The following NRG3 variants were observed in gnomAD, a reference collection of about 807,000 sequenced individuals.
NRG3 encodes neuregulin 3.
In NRG3, 31 loss-of-function variants were observed where a neutral mutation model predicts 66.9. The observed-to-expected ratio is 0.46, with a 90% CI of 0.35 to 0.63. NRG3 has a LOEUF of 0.63. Ranked by LOEUF, NRG3 falls within the 20% of genes least tolerant of loss-of-function variation. The probability of loss-of-function intolerance (pLI) is 0.00; values close to 1 mark genes in which losing one functional copy is unlikely to be tolerated. For synonymous variants in NRG3, 393 were observed against 359.4 expected (o/e 1.09, Z -1.06); for missense variants, 910 against 878.9 (o/e 1.04, Z -0.45).
chr10:82,306,731 A>G (rs1286571968), intron 1 of NRG3, among the ~76,000 whole-genome samples: 1 of 142,712 alleles, frequency 7.0e-6, no homozygotes, highest in East Asian at 2.0e-4. Flanking sequence ...AAAAAAAAAA[A>G]AAAAAGTCTG....
intron 1 of NRG3, among the ~76,000 whole-genome samples, chr10:82,320,955 G>C (rs964787164): frequency 6.6e-6 from 1 of 152,158 alleles, no homozygotes; most frequent in Non-Finnish European, 1.5e-5. Flanking sequence ...TCTGCTGGGA[G>C]TCACCTCCAT....
rs1030406273 is a variant in NRG3 at position 81,951,981 on chromosome 10, A to G, written c.823+75818A>G. ...GTTCATGTCCTTTGTAGGGACATGG[A>G]TGAAGCTGGAAACCATCATTCTCAG... On this transcript the variant is annotated intron_variant, in intron 1 of 8. Coordinates refer to ENST00000372141, the MANE Select transcript of NRG3 (RefSeq NM_001010848.4). Among the ~76,000 whole-genome samples, 16 of 152,182 alleles carry G rather than the reference A, an allele frequency of 1.1e-4. No homozygotes were observed. The East Asian group carries it at 2.7e-3, about 26-fold the overall frequency.
At chr10:82,339,803 G>T (rs918649916) in intron 1 of NRG3, among the ~76,000 whole-genome samples, 3 of 151,668 alleles carry the variant, frequency 2.0e-5, no homozygotes, top group Admixed American at 1.3e-4. Flanking sequence ...TCCTGCTTGT[G>T]TGCACTTCTC....
chr10:82,716,127 C>T (rs563154558), intron 2 of NRG3, among the ~76,000 whole-genome samples: 4 of 151,968 alleles, frequency 2.6e-5, no homozygotes, highest in African/African-American at 4.8e-5. Flanking sequence ...GATATAAATG[C>T]GATTCTGTAG....
chr10:82,781,851 G>A (rs2060129117), intron 3 of NRG3, among the ~76,000 whole-genome samples: 2 of 151,912 alleles, frequency 1.3e-5, no homozygotes, highest in South Asian at 2.1e-4. Flanking sequence ...TTCAGTTCCT[G>A]TTATTTAAAG....
intron 1 of NRG3, among the ~76,000 whole-genome samples, chr10:82,183,835 C>G (rs2073610362): frequency 1.3e-5 from 2 of 152,060 alleles, no homozygotes; most frequent in African/African-American, 2.4e-5. Flanking sequence ...TACAGAAACT[C>G]TGGCTTAAAG....
intron 1 of NRG3, among the ~76,000 whole-genome samples, chr10:82,001,738 A>G (rs1379937905): frequency 6.6e-6 from 1 of 152,226 alleles, no homozygotes; most frequent in African/African-American, 2.4e-5. Flanking sequence ...AAAAAAAGTT[A>G]CCCAAATTAA....
intron 3 of NRG3, among the ~76,000 whole-genome samples, chr10:82,788,927 A>T (rs1037947868): frequency 6.6e-6 from 1 of 152,100 alleles, no homozygotes; most frequent in African/African-American, 2.4e-5. Flanking sequence ...TACGCTACAT[A>T]TTTATCAGTT....
At chr10:82,222,273 C>CTTA (rs2133788137) in intron 1 of NRG3, among the ~76,000 whole-genome samples, 1 of 151,942 alleles carries the variant, frequency 6.6e-6, no homozygotes, top group East Asian at 1.9e-4. Flanking sequence ...ATTCATGGAG[C>CTTA]TTATAATCTA....
At chr10:82,623,501 T>C (rs2133639158) in intron 2 of NRG3, among the ~76,000 whole-genome samples, 1 of 152,298 alleles carries the variant, frequency 6.6e-6, no homozygotes, top group East Asian at 1.9e-4. Flanking sequence ...CATCCCACAC[T>C]TTGGCATTTT....
At position 82,555,941 on chromosome 10, in the gene NRG3, T is replaced by C. The variant is rs554399336; in HGVS notation, c.954-182636T>C. ...TCTCTAAGAAGTCATTTATATATTC[T>C]GTCACTAACCTCCTCTCTTCATTCT... On this transcript the variant is annotated intron_variant, in intron 2 of 8. Transcript: ENST00000372141. Among the ~76,000 whole-genome samples the C allele has an allele frequency of 2.0e-5, 3 of 152,308 alleles. No homozygotes were observed. The South Asian group carries it at 6.2e-4, about 32-fold the overall frequency.
intron 1 of NRG3, among the ~76,000 whole-genome samples, chr10:82,108,113 A>C (rs539526513): frequency 6.6e-6 from 1 of 152,348 alleles, no homozygotes; most frequent in East Asian, 1.9e-4. Flanking sequence ...AAGCCATCTG[A>C]TATGCCCAGA....
intron 3 of NRG3, among the ~76,000 whole-genome samples, chr10:82,773,981 C>G (rs1214718391): frequency 2.6e-5 from 4 of 152,076 alleles, no homozygotes; most frequent in Admixed American, 2.6e-4. Flanking sequence ...ATTTTTCATT[C>G]TGTTAATGTG....
intron 1 of NRG3, among the ~76,000 whole-genome samples, chr10:82,326,706 A>G (rs2081891061): frequency 1.3e-5 from 2 of 152,094 alleles, no homozygotes; most frequent in African/African-American, 2.4e-5. Flanking sequence ...TTCAGACTAT[A>G]TAGTTTTCAT....
intron 1 of NRG3, among the ~76,000 whole-genome samples, chr10:82,097,785 TA>T (rs1001128682): frequency 4.6e-5 from 7 of 152,170 alleles, no homozygotes; most frequent in South Asian, 2.1e-4. Context: ...GTTTGTTTTT[TA>T]AAAATTGTAG....
chr10:82,248,443 A>G (rs1478705259), intron 1 of NRG3, among the ~76,000 whole-genome samples: 1 of 152,102 alleles, frequency 6.6e-6, no homozygotes, highest in Non-Finnish European at 1.5e-5. Context: ...GAGAGAGCAG[A>G]GTGGAGAGGT....
At chr10:82,497,110 A>G (rs1014092237) in intron 2 of NRG3, among the ~76,000 whole-genome samples, 4 of 152,186 alleles carry the variant, frequency 2.6e-5, no homozygotes, top group African/African-American at 9.7e-5. Context: ...TATATATCCT[A>G]TTCAAAAAAC....
At chr10:81,968,853 A>G (rs1317105125) in intron 1 of NRG3, among the ~76,000 whole-genome samples, 1 of 152,200 alleles carries the variant, frequency 6.6e-6, no homozygotes, top group Non-Finnish European at 1.5e-5. Flanking sequence ...GTTCTGAGGC[A>G]GGTGCTTATC....
rs564302575 is a variant in NRG3, at chr10:82,684,030, C to T, written c.954-54547C>T. Reference sequence around the variant, plus strand: ...ATGTGCTGTGTGTATATATTCAGAGCGCCCCTGTGTTCACTGTTTTAAGTA... The same window carrying T: ...ATGTGCTGTGTGTATATATTCAGAGTGCCCCTGTGTTCACTGTTTTAAGTA... On this transcript the variant is annotated intron_variant, in intron 2 of 8. Coordinates refer to ENST00000372141, the MANE Select transcript of NRG3 (RefSeq NM_001010848.4). Among the ~76,000 whole-genome samples, 70 of 52,214 alleles carry T rather than the reference C, an allele frequency of 1.3e-3. No homozygotes were observed. In the East Asian group the frequency reaches 0.25, roughly 186 times the overall value. 34.3% of individuals were successfully genotyped at this position (52,214 alleles called of 152,430 possible).
Sources: gnomAD v4.1 joint callset for allele counts (sites outside exome capture counted in the v4.1 genomes callset) on GRCh38, gnomAD v4.1.1 for gene constraint, MANE v1.5 for transcripts, NCBI Gene and HGNC (gene_info 2026-07-23, HGNC 2026-07-21) for gene names.